The following CFAP299 variants were observed in gnomAD, a reference collection of about 807,000 sequenced individuals.
CFAP299 encodes the protein cilia- and flagella-associated protein 299.
A neutral mutation model predicts 27.0 loss-of-function variants in CFAP299; 21 were observed. The observed-to-expected ratio is 0.78, with a 90% CI of 0.55 to 1.12. The LOEUF (loss-of-function observed/expected upper bound fraction) is 1.12, where lower values mean the gene tolerates loss of function less well. Ranked by LOEUF, CFAP299 falls within the 50% of genes most tolerant of loss-of-function variation. The pLI, the probability that CFAP299 is intolerant of heterozygous loss-of-function variation, is 0.00. For missense variants in CFAP299, 310 were observed against 276.6 expected (o/e 1.12, Z -0.86); for synonymous variants, 104 against 98.1 (o/e 1.06, Z -0.36).
chr4:80,553,347 A>G (rs952861281), intron 2 of CFAP299, among the ~76,000 whole-genome samples: 1 of 152,154 alleles, frequency 6.6e-6, no homozygotes, highest in African/African-American at 2.4e-5. Flanking sequence ...TGGATGCATA[A>G]TATTCCTGGG....
chr4:80,883,242 G>T (rs993684861), intron 4 of CFAP299, among the ~76,000 whole-genome samples: 5 of 152,070 alleles, frequency 3.3e-5, no homozygotes, highest in African/African-American at 9.7e-5. Flanking sequence ...TATAACTAAA[G>T]ATGGCATATA....
chr4:80,800,196 A>C (rs1728347872), intron 3 of CFAP299, among the ~76,000 whole-genome samples: 1 of 74,482 alleles, frequency 1.3e-5, no homozygotes, highest in African/African-American at 5.6e-5. Flanking sequence ...GTAATACTAT[A>C]TAATATAATA....
chr4:80,939,459 A>G lies in CFAP299; in HGVS notation c.477-5351A>G, dbSNP rs189152148. On this transcript the variant is annotated intron_variant, in intron 4 of 5. Transcript: ENST00000358105. ...TCTGTTTGATCAAGTGAGCTGTTGC[A>G]GCTCTCTGTTGATTTTTTTTTCAGT... Among the ~76,000 whole-genome samples, 12 of 149,758 alleles carry G rather than the reference A, an allele frequency of 8.0e-5. No individual in the cohort carries two copies. In the East Asian group the frequency reaches 2.0e-3, roughly 25 times the overall value.
At chr4:80,548,064 G>A (rs961608504) in intron 2 of CFAP299, among the ~76,000 whole-genome samples, 1 of 152,058 alleles carries the variant, frequency 6.6e-6, no homozygotes, top group Non-Finnish European at 1.5e-5. Flanking sequence ...TATCAAAAAG[G>A]CACACGCCCT....
intron 5 of CFAP299, among the ~76,000 whole-genome samples, chr4:80,950,672 C>T (rs1382235598): frequency 1.3e-5 from 2 of 152,064 alleles, no homozygotes; most frequent in Non-Finnish European, 2.9e-5. Context: ...CTTGTGGCTA[C>T]AGAGAGGCTG....
chr4:80,542,715 C>T (rs1178700310), intron 2 of CFAP299, among the ~76,000 whole-genome samples: 1 of 152,068 alleles, frequency 6.6e-6, no homozygotes, highest in Non-Finnish European at 1.5e-5. Context: ...CCTGCCAGAG[C>T]ACTTTTACCA....
At chr4:80,769,187 G>A (rs754877061) in intron 3 of CFAP299, among the ~76,000 whole-genome samples, 6 of 152,126 alleles carry the variant, frequency 3.9e-5, no homozygotes, top group Non-Finnish European at 8.8e-5. Context: ...CTTAGTAGGT[G>A]CCTGACATTT....
chr4:80,662,935 G>A (rs1021559848), intron 3 of CFAP299, among the ~76,000 whole-genome samples: 6 of 151,652 alleles, frequency 4.0e-5, no homozygotes, highest in Non-Finnish European at 8.8e-5. Flanking sequence ...CAAATTTTAG[G>A]TGCTACTTAT....
chr4:80,869,424 A>C (rs1474221585), intron 3 of CFAP299, among the ~76,000 whole-genome samples: 1 of 152,232 alleles, frequency 6.6e-6, no homozygotes, highest in East Asian at 1.9e-4. Flanking sequence ...GGCAATCAAG[A>C]TAAAGCTATC....
At chr4:80,799,672 T>TATAATATATAAAATATATATTTTATATA (rs1728200479) in intron 3 of CFAP299, among the ~76,000 whole-genome samples, 1 of 2,412 alleles carries the variant, frequency 4.1e-4, no homozygotes, top group Admixed American at 0.011. Flanking sequence ...ATTTTATAAA[T>TATAATATATAAAATATATATTTTATATA]ATATATTTAT....
At chr4:80,857,395 A>G (rs1246044853) in intron 3 of CFAP299, among the ~76,000 whole-genome samples, 1 of 152,020 alleles carries the variant, frequency 6.6e-6, no homozygotes, top group Non-Finnish European at 1.5e-5. Flanking sequence ...AATACCCTTT[A>G]TTTCCTTCTC....
At chr4:80,925,957 CT>C (rs1736283786) in intron 4 of CFAP299, among the ~76,000 whole-genome samples, 1 of 151,994 alleles carries the variant, frequency 6.6e-6, no homozygotes. Context: ...CAGAACAGAA[CT>C]TTAGTTTCTA....
chr4:80,896,392 T>C (rs1309896423), intron 4 of CFAP299, among the ~76,000 whole-genome samples: 1 of 152,112 alleles, frequency 6.6e-6, no homozygotes, highest in Non-Finnish European at 1.5e-5. Context: ...AGTATTGTAA[T>C]GTTTTATAGG....
At position 80,908,474 on chromosome 4, in the gene CFAP299, A is replaced by C. The variant is rs576511739; in HGVS notation, c.477-36336A>C. Reference sequence around the variant, plus strand: ...GACATTCCTACCTCCTTAAGTAACAAAGTTTGGAAAAAATTAGTGGAGAGG... The same window carrying C: ...GACATTCCTACCTCCTTAAGTAACACAGTTTGGAAAAAATTAGTGGAGAGG... On this transcript the variant is annotated intron_variant, in intron 4 of 5. Coordinates refer to ENST00000358105, the MANE Select transcript of CFAP299 (RefSeq NM_152770.3). Among the ~76,000 whole-genome samples, 7 of 152,274 alleles carry C rather than the reference A, an allele frequency of 4.6e-5. No homozygotes were observed. The East Asian group carries it at 1.2e-3, about 25-fold the overall frequency.
At chr4:80,656,542 A>C (rs1371583861) in intron 3 of CFAP299, among the ~76,000 whole-genome samples, 1 of 152,188 alleles carries the variant, frequency 6.6e-6, no homozygotes, top group Non-Finnish European at 1.5e-5. Context: ...ATGTCACTGC[A>C]AAGGACATGA....
chr4:80,590,491 A>T (rs1435019516), intron 3 of CFAP299, among the ~76,000 whole-genome samples: 1 of 152,040 alleles, frequency 6.6e-6, no homozygotes, highest in African/African-American at 2.4e-5. Flanking sequence ...ACAAAAAAAT[A>T]GCCGGGTGTG....
chr4:80,367,373 T>C (rs150771489), intron 2 of CFAP299, among the ~76,000 whole-genome samples: 197 of 152,334 alleles, frequency 1.3e-3, no homozygotes, highest in African/African-American at 4.3e-3. Flanking sequence ...AAGGCTCAAT[T>C]AGAGTTAATC....
At chr4:80,958,687 A>C (rs187291527) in intron 5 of CFAP299, among the ~76,000 whole-genome samples, 1 of 152,196 alleles carries the variant, frequency 6.6e-6, no homozygotes, top group African/African-American at 2.4e-5. Flanking sequence ...TCTTATTACA[A>C]TTTTAATTCC....
intron 2 of CFAP299, among the ~76,000 whole-genome samples, chr4:80,363,951 G>A (rs1723677170): frequency 6.6e-6 from 1 of 152,022 alleles, no homozygotes; most frequent in Admixed American, 6.6e-5. Flanking sequence ...AGCTGGCGTG[G>A]TGGTGGGAGC....
Sources: allele counts gnomAD v4.1 joint callset (sites outside exome capture counted in the v4.1 genomes callset), GRCh38; gene constraint gnomAD v4.1.1; transcripts MANE v1.5; gene names NCBI Gene and HGNC (gene_info 2026-07-23, HGNC 2026-07-21).